The following SLC35F3 variants were observed in gnomAD, a reference collection of about 807,000 sequenced individuals.
SLC35F3 encodes the protein putative thiamine transporter SLC35F3.
Under a neutral mutation model 49.9 loss-of-function variants are expected in SLC35F3, and 25 were observed. The ratio of observed to expected loss-of-function variants is 0.50; its 90% CI spans 0.37 to 0.70. SLC35F3 has a LOEUF of 0.70. Among genes scored for constraint, SLC35F3 ranks in the 30% least tolerant of loss-of-function variants. SLC35F3 has a pLI of 0.00. For missense variants in SLC35F3, 525 were observed against 639.8 expected, an observed-to-expected ratio of 0.82 and a Z score of 1.94; for synonymous variants, 275 against 265.4, an observed-to-expected ratio of 1.04 and a Z score of -0.35.
chr1:234,232,027 A>G (rs1425955607), intron 3 of SLC35F3, among the ~76,000 whole-genome samples: 1 of 152,132 alleles, frequency 6.6e-6, no homozygotes, highest in Non-Finnish European at 1.5e-5. Flanking sequence ...AGGTCCCCAG[A>G]ACGCTTAGAA....
chr1:233,938,125 A>G (rs1164208667), intron 2 of SLC35F3, among the ~76,000 whole-genome samples: 2 of 152,196 alleles, frequency 1.3e-5, no homozygotes, highest in African/African-American at 2.4e-5. Flanking sequence ...AGGCAAAAAA[A>G]TAAATTTCTG....
intron 2 of SLC35F3, among the ~76,000 whole-genome samples, chr1:234,119,322 G>A (rs1665539269): frequency 6.8e-6 from 1 of 147,840 alleles, no homozygotes; most frequent in African/African-American, 2.5e-5. Flanking sequence ...TTTTCTGAAA[G>A]CGTTCAAACA....
At chr1:234,126,916 C>G (rs1665656964) in intron 2 of SLC35F3, among the ~76,000 whole-genome samples, 1 of 152,190 alleles carries the variant, frequency 6.6e-6, no homozygotes, top group South Asian at 2.1e-4. Context: ...AAGCTGGTCT[C>G]AAACTCTTGA....
At chr1:233,923,216 T>G (rs1021774586) in intron 2 of SLC35F3, among the ~76,000 whole-genome samples, 1 of 152,228 alleles carries the variant, frequency 6.6e-6, no homozygotes, top group African/African-American at 2.4e-5. Context: ...GGTATGGCAT[T>G]GAATCTATAA....
intron 2 of SLC35F3, among the ~76,000 whole-genome samples, chr1:234,123,034 G>A (rs1006695436): frequency 3.9e-5 from 6 of 152,118 alleles, no homozygotes; most frequent in Non-Finnish European, 7.4e-5. Flanking sequence ...GATCCTTGAG[G>A]AATTGCCACA....
intron 2 of SLC35F3, among the ~76,000 whole-genome samples, chr1:233,964,963 A>C (rs1662878396): frequency 6.6e-6 from 1 of 152,198 alleles, no homozygotes; most frequent in Admixed American, 6.5e-5. Context: ...AGATTCTTAT[A>C]AGTGATGTTT....
At chr1:234,157,889 C>CT (rs747534993) in intron 2 of SLC35F3, among the ~76,000 whole-genome samples, 1 of 152,056 alleles carries the variant, frequency 6.6e-6, no homozygotes, top group Admixed American at 6.5e-5. Flanking sequence ...TGTTGTTTGA[C>CT]TTTTTTTTCT....
intron 2 of SLC35F3, among the ~76,000 whole-genome samples, chr1:233,923,291 T>C (rs921332668): frequency 5.3e-5 from 8 of 152,230 alleles, no homozygotes; most frequent in Non-Finnish European, 7.3e-5. Flanking sequence ...CATGGAATGT[T>C]CTTCCATTTG....
chr1:234,078,303 A>G (rs1444222204), intron 2 of SLC35F3, among the ~76,000 whole-genome samples: 2 of 151,896 alleles, frequency 1.3e-5, no homozygotes, highest in Non-Finnish European at 2.9e-5. Context: ...GTTTCTCTCC[A>G]ATTTTCTCAG....
At chr1:234,234,008 A>G (rs1667425039) in intron 3 of SLC35F3, among the ~76,000 whole-genome samples, 1 of 149,666 alleles carries the variant, frequency 6.7e-6, no homozygotes. Context: ...AAGGAGAGAA[A>G]AATTTTAACA....
At chr1:234,293,394 A>G (rs1462341404) in intron 3 of SLC35F3, among the ~76,000 whole-genome samples, 1 of 152,234 alleles carries the variant, frequency 6.6e-6, no homozygotes, top group African/African-American at 2.4e-5. Flanking sequence ...CTATGCTGGG[A>G]AAACATCCAA....
rs75877242 is a variant in SLC35F3 at position 234,253,749 on chromosome 1, G to A, written c.608+22008G>A. ...AAAGCATGTATAGAAAATGGACAGA[G>A]AGGCACATACCCAAGGCTGAATGCC... is the stretch of plus-strand genomic sequence containing the variant. On this transcript the variant is annotated intron_variant, in intron 3 of 7. Transcript: ENST00000366618. 6.6e-3 allele frequency among the ~76,000 whole-genome samples: 1,005 copies of A among 152,340 alleles called. 2 individuals are homozygous for A. Among genetic ancestry groups the A allele is most frequent in the Middle Eastern group, 0.017 (5 of 294 alleles).
intron 2 of SLC35F3, among the ~76,000 whole-genome samples, chr1:234,112,923 G>A (rs1665430709): frequency 6.6e-6 from 1 of 150,838 alleles, no homozygotes; most frequent in Non-Finnish European, 1.5e-5. Flanking sequence ...TTTTACTTGA[G>A]GCTGGGCATG....
At chr1:234,188,085 A>C (rs917774119) in intron 2 of SLC35F3, among the ~76,000 whole-genome samples, 2 of 152,070 alleles carry the variant, frequency 1.3e-5, no homozygotes, top group Non-Finnish European at 2.9e-5. Flanking sequence ...AAAATACAAA[A>C]AATTAGCTGG....
rs188573391 is a variant in SLC35F3, at chr1:233,919,743, T to C, written c.283+13985T>C. 1.5e-3 allele frequency among the ~76,000 whole-genome samples: 226 copies of C among 152,318 alleles called. 1 individual carries two copies. Among genetic ancestry groups the C allele is most frequent in the African/African-American group, 5.3e-3 (221 of 41,578 alleles). On this transcript the variant is annotated intron_variant, in intron 2 of 7. Transcript: ENST00000366618. ...AATTTTCATTTATGCTCAGGCGTTC[T>C]GTCCTTCCCCCCGGCTACCAAGACT... is the stretch of plus-strand genomic sequence containing the variant.
chr1:234,258,937 T>C (rs916437617), intron 3 of SLC35F3, among the ~76,000 whole-genome samples: 3 of 152,264 alleles, frequency 2.0e-5, no homozygotes, highest in Admixed American at 1.3e-4. Flanking sequence ...TGGAATAGTA[T>C]GTCCTGTTCT....
chr1:233,916,568 G>A (rs988192385), intron 2 of SLC35F3, among the ~76,000 whole-genome samples: 2 of 152,212 alleles, frequency 1.3e-5, no homozygotes, highest in East Asian at 3.8e-4. Flanking sequence ...ATCTGATTTA[G>A]CAGTGGGTAC....
At chr1:234,295,641 C>T (rs1188422950) in intron 3 of SLC35F3, among the ~76,000 whole-genome samples, 1 of 152,208 alleles carries the variant, frequency 6.6e-6, no homozygotes, top group Non-Finnish European at 1.5e-5. Flanking sequence ...CAAAAGCAAG[C>T]CCAGCTTTGA....
rs1297571939 is a variant in SLC35F3, at chr1:234,214,671, G to C, written c.284-16746G>C. 1 of 1,414,102 alleles carries C rather than the reference G, an allele frequency of 7.1e-7. No individual in the cohort carries two copies. Among genetic ancestry groups the C allele is most frequent in the Non-Finnish European group, 9.3e-7 (1 of 1,071,794 alleles). The allele number at this position is 1,414,102 out of a possible 1,614,324, so 87.6% of individuals were successfully genotyped here. ...TGTCTGGCTGCGGGGCGCCGGGGCTGGGGGTACTGCTCCCCCAGGACGCGG... is the reference window on the plus strand; with the variant it reads ...TGTCTGGCTGCGGGGCGCCGGGGCTCGGGGTACTGCTCCCCCAGGACGCGG... On this transcript the variant is annotated intron_variant, in intron 2 of 7. Coordinates refer to ENST00000366618, the MANE Select transcript of SLC35F3 (RefSeq NM_173508.4). The surrounding 1 kb of genome is among the most constrained non-coding windows in gnomAD (Gnocchi z 8.0).
Sources: gnomAD v4.1 joint callset for allele counts (sites outside exome capture counted in the v4.1 genomes callset) on GRCh38, gnomAD v4.1.1 for gene constraint, Gnocchi (gnomAD v3.1) non-coding constraint, MANE v1.5 for transcripts, NCBI Gene and HGNC (gene_info 2026-07-23, HGNC 2026-07-21) for gene names.